Variants in FHIT observed in about 807,000 individuals in gnomAD.
FHIT encodes bis(5'-adenosyl)-triphosphatase.
In FHIT, 19 loss-of-function variants were observed where a neutral mutation model predicts 17.9. That is an observed-to-expected ratio of 1.06 (90% CI 0.74 to 1.56). FHIT has a LOEUF of 1.56. Among genes scored for constraint, FHIT ranks in the 40% most tolerant of loss-of-function variants. The pLI, the probability that FHIT is intolerant of heterozygous loss-of-function variation, is 0.00. For missense variants in FHIT, 248 were observed against 189.2 expected, an observed-to-expected ratio of 1.31 and a Z score of -1.82; for synonymous variants, 81 against 69.7, an observed-to-expected ratio of 1.16 and a Z score of -0.81.
chr3:59,917,525 T>C (rs1409739372), intron 8 of FHIT, among the ~76,000 whole-genome samples: 1 of 152,206 alleles, frequency 6.6e-6, no homozygotes, highest in Non-Finnish European at 1.5e-5. Flanking sequence ...ATAATCTTCA[T>C]CAACTTGTCA....
At chr3:61,237,158 G>A (rs900568238) in intron 1 of FHIT, among the ~76,000 whole-genome samples, 4 of 152,158 alleles carry the variant, frequency 2.6e-5, no homozygotes, top group Non-Finnish European at 4.4e-5. Context: ...AACTCGTACA[G>A]AAAGTTTTTT....
intron 5 of FHIT, among the ~76,000 whole-genome samples, chr3:60,282,461 T>C (rs1258813728): frequency 6.6e-6 from 1 of 152,166 alleles, no homozygotes; most frequent in African/African-American, 2.4e-5. Flanking sequence ...TAGGGCAATG[T>C]AGACTATTCT....
rs573001583 is a variant in FHIT, at chr3:60,384,313, C to A, written c.103+152547G>T. Reference sequence around the variant, plus strand: ...AGATAATTTTTAATAGAGACTATTACTAATCTAATAATAACTTCCATAATA... The same window carrying A: ...AGATAATTTTTAATAGAGACTATTAATAATCTAATAATAACTTCCATAATA... On this transcript the variant is annotated intron_variant, in intron 5 of 9. Transcript: ENST00000492590. 2.0e-5 allele frequency among the ~76,000 whole-genome samples: 3 copies of A among 151,064 alleles called. No individual in the cohort carries two copies. The South Asian group carries it at 6.3e-4, about 32-fold the overall frequency.
intron 5 of FHIT, among the ~76,000 whole-genome samples, chr3:60,237,254 G>C (rs377410082): frequency 7.7e-6 from 1 of 129,138 alleles, no homozygotes; most frequent in East Asian, 2.3e-4. Flanking sequence ...AACAGGTTTT[G>C]TTTTTCCATT....
At chr3:60,588,044 C>A (rs941993171) in intron 4 of FHIT, among the ~76,000 whole-genome samples, 5 of 151,916 alleles carry the variant, frequency 3.3e-5, no homozygotes, top group African/African-American at 7.2e-5. Context: ...AAACAAAGGT[C>A]AGCTGTCCAT....
At chr3:61,211,954 G>T (rs748541193) in intron 1 of FHIT, among the ~76,000 whole-genome samples, 1 of 152,188 alleles carries the variant, frequency 6.6e-6, no homozygotes. Flanking sequence ...GTCCTGTCTC[G>T]TAGAAGGAAA....
At chr3:60,211,448 T>C (rs1703450472) in intron 5 of FHIT, among the ~76,000 whole-genome samples, 2 of 152,138 alleles carry the variant, frequency 1.3e-5, no homozygotes, top group Admixed American at 6.5e-5. Context: ...ATATTCTACA[T>C]AATTATAATG....
intron 2 of FHIT, among the ~76,000 whole-genome samples, chr3:61,114,383 G>A (rs1262004735): frequency 2.0e-5 from 3 of 152,168 alleles, no homozygotes; most frequent in African/African-American, 7.2e-5. Flanking sequence ...TTGTCCTACT[G>A]TGATTTATTG....
rs535792435 is a variant in FHIT, at chr3:60,294,048, G to C, written c.103+242812C>G. ...ACAAATTCATTTTGAATCAATATTT[G>C]TTATGAGTCCTTTTCAACATTTTTC... On this transcript the variant is annotated intron_variant, in intron 5 of 9. Coordinates refer to ENST00000492590, the MANE Select transcript of FHIT (RefSeq NM_002012.4). Among the ~76,000 whole-genome samples the C allele has an allele frequency of 2.0e-5, 3 of 152,228 alleles. No homozygotes were observed. In the South Asian group the frequency reaches 6.2e-4, roughly 32 times the overall value.
intron 4 of FHIT, among the ~76,000 whole-genome samples, chr3:60,719,760 A>G (rs2107960662): frequency 6.6e-6 from 1 of 152,278 alleles, no homozygotes; most frequent in South Asian, 2.1e-4. Context: ...ATTGGAGGTA[A>G]TAATAGTAAA....
chr3:60,381,901 C>T (rs1216952071), intron 5 of FHIT, among the ~76,000 whole-genome samples: 1 of 152,104 alleles, frequency 6.6e-6, no homozygotes, highest in East Asian at 1.9e-4. Context: ...GAAAATGTGT[C>T]TCAAAGGCCT....
chr3:61,126,562 TG>T (rs2036613430), intron 2 of FHIT, among the ~76,000 whole-genome samples: 1 of 152,042 alleles, frequency 6.6e-6, no homozygotes, highest in Non-Finnish European at 1.5e-5. Context: ...GAAAATGGCA[TG>T]GGGGAACCAC....
At chr3:60,805,647 C>T (rs185093246) in intron 4 of FHIT, among the ~76,000 whole-genome samples, 5 of 152,236 alleles carry the variant, frequency 3.3e-5, no homozygotes, top group African/African-American at 1.2e-4. Flanking sequence ...GCTCCGCCTC[C>T]TGGGTTCGTG....
chr3:60,080,650 T>C (rs1199231541), intron 5 of FHIT: 5 of 152,080 alleles, frequency 3.3e-5, no homozygotes, highest in African/African-American at 1.2e-4. Context: ...TGCCAGTCTG[T>C]CTGAGCCTGT....
chr3:60,244,689 G>C (rs1200471268), intron 5 of FHIT, among the ~76,000 whole-genome samples: 2 of 152,050 alleles, frequency 1.3e-5, no homozygotes, highest in Admixed American at 6.6e-5. Context: ...GTGCTCAACA[G>C]TATTTACCAC....
At chr3:59,951,037 G>T (rs375525620) in intron 7 of FHIT, among the ~76,000 whole-genome samples, 1 of 152,134 alleles carries the variant, frequency 6.6e-6, no homozygotes, top group Non-Finnish European at 1.5e-5. Context: ...TTTGTATTAA[G>T]GCTTTAATAG....
chr3:60,699,602 G>A (rs1292371126), intron 4 of FHIT, among the ~76,000 whole-genome samples: 1 of 140,248 alleles, frequency 7.1e-6, no homozygotes, highest in Non-Finnish European at 1.5e-5. Flanking sequence ...ATTATCGTTA[G>A]TGGGTGCAGC....
intron 5 of FHIT, among the ~76,000 whole-genome samples, chr3:60,274,696 T>C (rs1340506322): frequency 5.9e-5 from 9 of 152,274 alleles, no homozygotes; most frequent in East Asian, 3.9e-4. Context: ...AAACAGAAGA[T>C]ATAGTCTCTT....
At chr3:61,043,526 G>A (rs1471368584) in intron 2 of FHIT, among the ~76,000 whole-genome samples, 3 of 152,238 alleles carry the variant, frequency 2.0e-5, no homozygotes, top group Non-Finnish European at 4.4e-5. Flanking sequence ...CTGCCTGCCT[G>A]CCTCTGTAGT....
Sources: gnomAD v4.1 joint callset for allele counts (sites outside exome capture counted in the v4.1 genomes callset) on GRCh38, gnomAD v4.1.1 for gene constraint, MANE v1.5 for transcripts, NCBI Gene and HGNC (gene_info 2026-07-23, HGNC 2026-07-21) for gene names.